RASGRP3: variants seen among roughly 807,000 people sequenced by gnomAD.
RASGRP3 encodes the protein ras guanyl-releasing protein 3.
RASGRP3 carries 54 observed loss-of-function variants against 82.7 expected under a neutral mutation model. The observed-to-expected ratio is 0.65, with a 90% CI of 0.52 to 0.82. RASGRP3 has a LOEUF of 0.82. Among genes scored for constraint, RASGRP3 ranks in the 40% least tolerant of loss-of-function variants. The pLI is 0.00. For missense variants in RASGRP3, 861 were observed against 828.9 expected (o/e 1.04, Z -0.48); for synonymous variants, 309 against 300.5 (o/e 1.03, Z -0.29).
rs1421886908 is a variant in RASGRP3 at position 33,511,858 on chromosome 2, A to C, written c.-128+16A>C. 6.6e-6 allele frequency: 1 copy of C among 152,670 alleles called. No homozygotes were observed. Among genetic ancestry groups the C allele is most frequent in the Non-Finnish European group, 1.5e-5 (1 of 68,038 alleles). 9.5% of individuals were successfully genotyped at this position (152,670 alleles called of 1,614,324 possible). On this transcript the variant is annotated intron_variant, in intron 2 of 17. Coordinates refer to ENST00000403687, the MANE Select transcript of RASGRP3 (RefSeq NM_001139488.2). Reference sequence around the variant, plus strand: ...GAAACAACAGGTAAGTATTTCTTTAAATTGTCATAAATTATGTAAGAATTC... The same window carrying C: ...GAAACAACAGGTAAGTATTTCTTTACATTGTCATAAATTATGTAAGAATTC...
rs559872765 is a variant in RASGRP3, at chr2:33,460,735, G to A, written c.-261+12792G>A. Among the ~76,000 whole-genome samples the A allele has an allele frequency of 3.3e-5, 5 of 152,102 alleles. No homozygotes were observed. In the East Asian group the frequency reaches 9.7e-4, roughly 29 times the overall value. On this transcript the variant is annotated intron_variant, in intron 2 of 18. Coordinates refer to the RASGRP3 transcript ENST00000402538. ...TCACCTTGTTGCCTAGGCTGGTCTT[G>A]AACCCCTGAGCTCAGGCAATCAGCC...
rs546900213 is a variant in RASGRP3, at chr2:33,480,704, T to C, written c.-261+3997T>C. On this transcript the variant is annotated intron_variant, in intron 1 of 17. Coordinates refer to ENST00000403687, the MANE Select transcript of RASGRP3 (RefSeq NM_001139488.2). ...TGCCCAATTGTGTGTTTCAAAGACA[T>C]CTGCTTCCAAAAAGTTAACTTTCCT... is the stretch of plus-strand genomic sequence containing the variant. Among the ~76,000 whole-genome samples, 7 of 152,356 alleles carry C rather than the reference T, an allele frequency of 4.6e-5. No homozygotes were observed. The South Asian group carries it at 8.3e-4, about 18-fold the overall frequency.
At position 33,516,645 on chromosome 2, in the gene RASGRP3, A is replaced by G. The variant is rs1476861536; in HGVS notation, c.173+1A>G. On this transcript the variant is annotated splice_donor_variant, in intron 4 of 17. Transcript: ENST00000403687. LOFTEE classifies it high-confidence loss of function. ...AATTGGCAGAAAAACTTCTCTGCAT[A>G]TATCTTTTCAACTACTGTGTAATTT... is the stretch of plus-strand genomic sequence containing the variant. The G allele has an allele frequency of 1.3e-6, 2 of 1,515,626 alleles. No individual in the cohort carries two copies. Among genetic ancestry groups the G allele is most frequent in the African/African-American group, 1.4e-5 (1 of 73,064 alleles). 93.9% of individuals were successfully genotyped at this position (1,515,626 alleles called of 1,614,324 possible).
chr2:33,503,952 C>A (rs1320679386), intron 1 of RASGRP3, among the ~76,000 whole-genome samples: 1 of 151,928 alleles, frequency 6.6e-6, no homozygotes, highest in East Asian at 1.9e-4. Context: ...TTTTGCAATC[C>A]TTTCATTTAT....
chr2:33,505,601 T>C (rs1670298865), intron 1 of RASGRP3, among the ~76,000 whole-genome samples: 1 of 152,218 alleles, frequency 6.6e-6, no homozygotes. Flanking sequence ...GCCAGCAGGA[T>C]TCTTCGGAAT....
Position 33,546,942 on chromosome 2 carries a change from C to T in RASGRP3, c.1395-2662C>T, listed in dbSNP as rs55834207. ...ATTAGCCGGGCGTGGTGACACATGT[C>T]GGAGGCTGAGGCAGGAGAATCACTT... On this transcript the variant is annotated intron_variant, in intron 13 of 17. Transcript: ENST00000403687. 5.7e-4 allele frequency among the ~76,000 whole-genome samples: 86 copies of T among 149,848 alleles called. 1 individual carries two copies. The highest frequency in any genetic ancestry group is 4.4e-5 in the Non-Finnish European group (3 of 67,574).
intron 2 of RASGRP3, among the ~76,000 whole-genome samples, chr2:33,455,517 G>A (rs1172818619): frequency 6.6e-6 from 1 of 152,234 alleles, no homozygotes; most frequent in East Asian, 1.9e-4. Flanking sequence ...CTTCATTAAT[G>A]TCCATAGTTT....
At chr2:33,479,524 T>C (rs1483064689) in intron 1 of RASGRP3, among the ~76,000 whole-genome samples, 3 of 152,136 alleles carry the variant, frequency 2.0e-5, no homozygotes, top group African/African-American at 7.2e-5. Context: ...TGTTGATGAA[T>C]AGAAACCATG....
intron 1 of RASGRP3, among the ~76,000 whole-genome samples, chr2:33,503,313 C>T (rs1032774496): frequency 1.3e-5 from 2 of 152,070 alleles, no homozygotes; most frequent in African/African-American, 4.8e-5. Context: ...ACCTAAGATA[C>T]TACATAAATT....
rs377657515 is a variant in RASGRP3 at position 33,463,725 on chromosome 2, A to T, written c.-261+15782A>T. 3.3e-5 allele frequency among the ~76,000 whole-genome samples: 5 copies of T among 151,336 alleles called. No homozygotes were observed. The East Asian group carries it at 7.8e-4, about 24-fold the overall frequency. ...GCGATTCTCCTGCCTCAGCCTCCCA[A>T]GTAAGCTGGGATTACAGGTGCCTGC... On this transcript the variant is annotated intron_variant, in intron 2 of 18. Coordinates refer to the RASGRP3 transcript ENST00000402538.
At chr2:33,437,301 T>A (rs1664980326) in intron 1 of RASGRP3, among the ~76,000 whole-genome samples, 1 of 152,212 alleles carries the variant, frequency 6.6e-6, no homozygotes. Flanking sequence ...ATGGATTAAA[T>A]CCAAGAACAG....
At chr2:33,462,035 A>G (rs748173462) in intron 2 of RASGRP3, among the ~76,000 whole-genome samples, 4 of 152,258 alleles carry the variant, frequency 2.6e-5, no homozygotes, top group Non-Finnish European at 5.9e-5. Flanking sequence ...GTGAAGAGCA[A>G]AAGCGATTAA....
chr2:33,465,973 A>G lies in RASGRP3; in HGVS notation c.-261+18030A>G, dbSNP rs865900756. ...CCACTGTTGAGACTTACTGCTCAAA[A>G]AAAAAAAAAAAAAGGAAGGATTCCT... On this transcript the variant is annotated intron_variant, in intron 2 of 18. Transcript: ENST00000402538. 7.6e-3 allele frequency among the ~76,000 whole-genome samples: 1,147 copies of G among 150,876 alleles called. 14 individuals are homozygous for G. The highest frequency in any genetic ancestry group is 0.026 in the African/African-American group (1,091 of 41,184).
chr2:33,542,135 A>T (rs1286546631), intron 12 of RASGRP3, among the ~76,000 whole-genome samples: 1 of 147,132 alleles, frequency 6.8e-6, no homozygotes, highest in Non-Finnish European at 1.5e-5. Flanking sequence ...ATAATATATA[A>T]TACATCTAGA....
intron 13 of RASGRP3, among the ~76,000 whole-genome samples, chr2:33,547,435 A>G (rs529057127): frequency 7.4e-6 from 1 of 135,690 alleles, no homozygotes; most frequent in South Asian, 2.4e-4. Flanking sequence ...TATTTTGCAT[A>G]GGAGGTAAGA....
At chr2:33,490,700 G>T (rs535521410) in intron 1 of RASGRP3, among the ~76,000 whole-genome samples, 1 of 152,314 alleles carries the variant, frequency 6.6e-6, no homozygotes, top group Non-Finnish European at 1.5e-5. Context: ...CTTCCAGAGC[G>T]ATCTGAGCCA....
intron 14 of RASGRP3, chr2:33,555,248 G>A (rs568405493): frequency 3.7e-6 from 1 of 270,768 alleles, no homozygotes; most frequent in South Asian, 9.8e-5. Context: ...ATTTTGCTGA[G>A]AGCGCATCAG....
rs111331394 is a variant in RASGRP3, at chr2:33,487,968, A to C, written c.-261+11261A>C. On this transcript the variant is annotated intron_variant, in intron 1 of 17. Transcript: ENST00000403687. Reference sequence around the variant, plus strand: ...TTCCTAAACATTTCATCACGTATATATGTATATTACCAACTAGAGTTAGTT... The same window carrying C: ...TTCCTAAACATTTCATCACGTATATCTGTATATTACCAACTAGAGTTAGTT... Among the ~76,000 whole-genome samples the C allele has an allele frequency of 5.8e-3, 887 of 152,322 alleles. 7 individuals are homozygous for C. The highest frequency in any genetic ancestry group is 0.02 in the African/African-American group (848 of 41,570).
At chr2:33,505,117 T>C (rs1393992622) in intron 1 of RASGRP3, among the ~76,000 whole-genome samples, 1 of 151,528 alleles carries the variant, frequency 6.6e-6, no homozygotes, top group Non-Finnish European at 1.5e-5. Flanking sequence ...CTCCTCTTCC[T>C]CCTCCTCCAT....
Sources: allele counts gnomAD v4.1 joint callset (sites outside exome capture counted in the v4.1 genomes callset), GRCh38; gene constraint gnomAD v4.1.1; transcripts MANE v1.5; gene names NCBI Gene and HGNC (gene_info 2026-07-23, HGNC 2026-07-21).